The following MOB1B variants were observed in gnomAD, a reference collection of about 807,000 sequenced individuals.
The protein encoded by MOB1B is MOB kinase activator 1B, also known as MOB1 Mps One Binder homolog B.
A neutral mutation model predicts 24.4 loss-of-function variants in MOB1B; 19 were observed. The ratio of observed to expected loss-of-function variants is 0.78; its 90% CI spans 0.54 to 1.14. MOB1B has a LOEUF of 1.14. Ranked by LOEUF, MOB1B falls within the 50% of genes most tolerant of loss-of-function variation. The pLI, the probability that MOB1B is intolerant of heterozygous loss-of-function variation, is 0.00. For missense variants in MOB1B, 243 were observed against 259.6 expected, an observed-to-expected ratio of 0.94 and a Z score of 0.44; for synonymous variants, 76 against 82.1, an observed-to-expected ratio of 0.93 and a Z score of 0.40.
At chr4:70,924,480 A>T (rs1050107754) in intron 1 of MOB1B, among the ~76,000 whole-genome samples, 1 of 151,950 alleles carries the variant, frequency 6.6e-6, no homozygotes, top group Admixed American at 6.6e-5. Flanking sequence ...TCAAGAACCA[A>T]CTATTTTTTT....
At chr4:70,976,516 T>G (rs538437744) in intron 4 of MOB1B, 83 of 985,288 alleles carry the variant, frequency 8.4e-5, no homozygotes, top group Non-Finnish European at 9.6e-5. Flanking sequence ...AGAAATTGTT[T>G]ACGTTTAGAT....
chr4:70,967,388 C>T (rs1738577749), intron 2 of MOB1B, among the ~76,000 whole-genome samples: 1 of 152,182 alleles, frequency 6.6e-6, no homozygotes. Context: ...CCCACCTCAG[C>T]CTCCCAAAGT....
chr4:70,976,753 C>CATATATACATATATATATATATAT (rs1553939768), intron 4 of MOB1B: 5 of 181,610 alleles, frequency 2.8e-5, no homozygotes, highest in African/African-American at 1.5e-4. Flanking sequence ...GACTGAATTA[C>CATATATACATATATATATATATAT]ATATATATAT....
At chr4:70,935,983 C>G (rs897831890) in intron 1 of MOB1B, among the ~76,000 whole-genome samples, 36 of 151,272 alleles carry the variant, frequency 2.4e-4, no homozygotes, top group Middle Eastern at 6.8e-3. Context: ...TCCCAAGTAG[C>G]TGGGACTACA....
chr4:70,981,597 T>C (rs1739213035), intron 5 of MOB1B, among the ~76,000 whole-genome samples: 1 of 152,222 alleles, frequency 6.6e-6, no homozygotes, highest in East Asian at 1.9e-4. Context: ...GCTAGTGTTT[T>C]GTGTGTGTGT....
upstream of MOB1B, chr4:70,902,209 G>C: frequency 4.0e-6 from 2 of 494,054 alleles, no homozygotes; most frequent in African/African-American, 2.0e-5. Context: ...GCAGCCGGAG[G>C]GCCGGGGTGG....
rs1309640222 is a variant in MOB1B at position 70,985,631 on chromosome 4, C to G, written c.*3574C>G. 6.6e-6 allele frequency: 1 copy of G among 152,376 alleles called. No homozygotes were observed. Among genetic ancestry groups the G allele is most frequent in the African/African-American group, 2.4e-5 (1 of 41,430 alleles). 9.4% of individuals were successfully genotyped at this position (152,376 alleles called of 1,614,324 possible). ...CTCCACCTCCTGGGTTCAAGCATTT[C>G]TCCTGCCTCAGCCTCCCAAGTAGCT... On this transcript the variant is annotated 3_prime_UTR_variant, in exon 6 of 6. Transcript: ENST00000309395.
At chr4:70,965,440 A>C (rs1738481522) in intron 2 of MOB1B, among the ~76,000 whole-genome samples, 1 of 150,716 alleles carries the variant, frequency 6.6e-6, no homozygotes, top group African/African-American at 2.4e-5. Flanking sequence ...AATATTAGAA[A>C]GCACAAATAA....
At chr4:70,939,192 G>C (rs969173991) in intron 1 of MOB1B, among the ~76,000 whole-genome samples, 3 of 152,118 alleles carry the variant, frequency 2.0e-5, no homozygotes, top group Admixed American at 2.0e-4. Flanking sequence ...CAATAAAATG[G>C]TTTAGTACTT....
chr4:70,940,801 C>T (rs972358520), intron 1 of MOB1B, among the ~76,000 whole-genome samples: 1 of 151,828 alleles, frequency 6.6e-6, no homozygotes, highest in African/African-American at 2.4e-5. Flanking sequence ...CTCAGCCTCC[C>T]GAGTAGCTGG....
chr4:70,956,885 T>C (rs1738076773), intron 1 of MOB1B, among the ~76,000 whole-genome samples: 1 of 152,146 alleles, frequency 6.6e-6, no homozygotes, highest in African/African-American at 2.4e-5. Context: ...TTACTTGAAT[T>C]GTATATTCAG....
chr4:70,957,259 C>CAA (rs1247828205), intron 1 of MOB1B, among the ~76,000 whole-genome samples: 769 of 63,274 alleles, frequency 0.012, 4 homozygotes, highest in Non-Finnish European at 0.018. Context: ...GACTATGTCT[C>CAA]AAAAAAAAAA....
chr4:70,969,271 C>T (rs1322029267), intron 2 of MOB1B, among the ~76,000 whole-genome samples: 1 of 152,206 alleles, frequency 6.6e-6, no homozygotes, highest in Non-Finnish European at 1.5e-5. Flanking sequence ...GCTGGAACCA[C>T]AGGCATGCAC....
intron 1 of MOB1B, among the ~76,000 whole-genome samples, chr4:70,948,896 C>G (rs1160057230): frequency 6.6e-6 from 1 of 152,168 alleles, no homozygotes; most frequent in Non-Finnish European, 1.5e-5. Flanking sequence ...CCACCATGCT[C>G]TGAGCTTCAG....
At chr4:70,908,557 G>A (rs1578340527) in intron 1 of MOB1B, among the ~76,000 whole-genome samples, 4 of 150,378 alleles carry the variant, frequency 2.7e-5, no homozygotes, top group Non-Finnish European at 3.0e-5. Context: ...GGTGGATCAC[G>A]AGGTCAGGAG....
chr4:70,931,072 GAT>G (rs1039447779), intron 1 of MOB1B, among the ~76,000 whole-genome samples: 10 of 145,106 alleles, frequency 6.9e-5, no homozygotes, highest in African/African-American at 2.6e-4. Context: ...ACATCACACT[GAT>G]AACCACTAGC....
At chr4:70,949,582 A>G (rs1229753316) in intron 1 of MOB1B, among the ~76,000 whole-genome samples, 1 of 152,162 alleles carries the variant, frequency 6.6e-6, no homozygotes, top group Admixed American at 6.5e-5. Flanking sequence ...CATATAAATT[A>G]GAGATGGTAT....
At chr4:70,980,411 A>C (rs138631201) in intron 5 of MOB1B, among the ~76,000 whole-genome samples, 19 of 152,338 alleles carry the variant, frequency 1.2e-4, no homozygotes, top group Middle Eastern at 3.4e-3. Context: ...TACTGGACTC[A>C]GTGATCTTAC....
intron 1 of MOB1B, among the ~76,000 whole-genome samples, chr4:70,933,655 G>A (rs894443352): frequency 4.1e-5 from 6 of 147,342 alleles, no homozygotes; most frequent in Non-Finnish European, 7.4e-5. Flanking sequence ...GGGTTCAAGC[G>A]ATTCTCCTGC....
Sources: gnomAD v4.1 joint callset for allele counts (sites outside exome capture counted in the v4.1 genomes callset) on GRCh38, gnomAD v4.1.1 for gene constraint, MANE v1.5 for transcripts, NCBI Gene and HGNC (gene_info 2026-07-23, HGNC 2026-07-21) for gene names.